The following LRCH2 variants were observed in gnomAD, a reference collection of about 807,000 sequenced individuals.
LRCH2 encodes the protein leucine-rich repeat and calponin homology domain-containing protein 2.
A neutral mutation model predicts 68.9 loss-of-function variants in LRCH2; 38 were observed. That is an observed-to-expected ratio of 0.55 (90% CI 0.43 to 0.72). The LOEUF is 0.72. Among genes scored for constraint, LRCH2 ranks in the 30% least tolerant of loss-of-function variants. The pLI is 0.00. For synonymous variants in LRCH2, 191 were observed against 208.1 expected, an observed-to-expected ratio of 0.92 and a Z score of 0.71; for missense variants, 528 against 572.9, an observed-to-expected ratio of 0.92 and a Z score of 0.80.
intron 1 of LRCH2, among the ~76,000 whole-genome samples, chrX:115,233,075 G>A (rs1333741501): frequency 1.8e-5 from 2 of 112,056 alleles, no homozygotes; most frequent in Non-Finnish European, 3.8e-5. Flanking sequence ...AGACATGTAA[G>A]TGATTGATGA....
In LRCH2 at chrX:115,179,643, T is replaced by C. The variant is rs782765226; in HGVS notation, c.727+3A>G. Reference sequence around the variant, plus strand: ...ATGTGAGTAAAAACAGTGAACATCTTACCATCTGGCAAAACATGAAGATTA... The same window carrying C: ...ATGTGAGTAAAAACAGTGAACATCTCACCATCTGGCAAAACATGAAGATTA... On this transcript the variant is annotated splice_donor_region_variant and intron_variant, in intron 4 of 20. Transcript: ENST00000317135. 1.8e-6 allele frequency: 2 copies of C among 1,122,102 alleles called. No homozygotes were observed. The highest frequency in any genetic ancestry group is 1.2e-6 in the Non-Finnish European group (1 of 847,977). The allele number at this position is 1,122,102 out of a possible 1,213,427, so 92.5% of individuals were successfully genotyped here. A position where few individuals can be genotyped will look rare whatever the true frequency, so the allele number is the denominator to read the frequency against.
chrX:115,170,217 G>T, intron 6 of LRCH2, 82 bp downstream of exon 6: 1 of 946,512 alleles, frequency 1.1e-6, no homozygotes, highest in Non-Finnish European at 1.4e-6. Flanking sequence ...AAATATATTC[G>T]GAACACTCAA....
At chrX:115,178,030 A>G (rs782477439) in intron 5 of LRCH2, among the ~76,000 whole-genome samples, 1 of 112,540 alleles carries the variant, frequency 8.9e-6, no homozygotes, top group Non-Finnish European at 1.9e-5. Context: ...GACAATGCAG[A>G]TACAGAACAT....
At chrX:115,162,094 T>A (rs5946287) in intron 11 of LRCH2, among the ~76,000 whole-genome samples, 9,308 of 109,468 alleles carry the variant, frequency 0.085, 320 homozygotes, top group South Asian at 0.18. Flanking sequence ...TAATTTTTTG[T>A]ATTTTTGGTA....
intron 5 of LRCH2, among the ~76,000 whole-genome samples, chrX:115,172,956 T>G (rs1556548052): frequency 1.8e-5 from 2 of 110,422 alleles, no homozygotes; most frequent in Non-Finnish European, 3.8e-5. Flanking sequence ...CTTGCATGTT[T>G]GAAACCTTTT....
At chrX:115,158,220 C>T (rs1556540301) in intron 11 of LRCH2, among the ~76,000 whole-genome samples, 1 of 111,762 alleles carries the variant, frequency 8.9e-6, no homozygotes, top group East Asian at 2.8e-4. Context: ...TGCTCTGGTC[C>T]TCTGGAAGAG....
At position 115,111,695 on chromosome X, in the gene LRCH2, T is replaced by C. The variant is rs11541651; in HGVS notation, c.*1521A>G. 3,471 of 111,864 alleles carry C rather than the reference T, an allele frequency of 0.031. 58 individuals carry two copies. Among genetic ancestry groups the C allele is most frequent in the Non-Finnish European group, 0.049 (2,569 of 52,933 alleles). The allele number at this position is 111,864 out of a possible 1,213,427, so 9.2% of individuals were successfully genotyped here. A position where few individuals can be genotyped will look rare whatever the true frequency, so the allele number is the denominator to read the frequency against. On this transcript the variant is annotated 3_prime_UTR_variant, in exon 21 of 21. Transcript: ENST00000317135. ...CCAATTTGACCCTTGGGGAATGTAA[T>C]GAACACATCTGTATTCTAAAGCCAA...
chrX:115,197,334 T>G (rs1283529807), intron 1 of LRCH2, among the ~76,000 whole-genome samples: 4 of 111,307 alleles, frequency 3.6e-5, no homozygotes, highest in Admixed American at 9.5e-5. Flanking sequence ...AGATAAAGAA[T>G]TCAAAACATT....
At chrX:115,165,152 C>CAAT (rs782417878) in intron 10 of LRCH2, among the ~76,000 whole-genome samples, 1 of 109,800 alleles carries the variant, frequency 9.1e-6, no homozygotes, top group African/African-American at 3.3e-5. Flanking sequence ...TAGTCCTCCT[C>CAAT]AATAATAATA....
In LRCH2 at chrX:115,150,077, A is replaced by T. The variant is rs181404967; in HGVS notation, c.1530-7T>A. On this transcript the variant is annotated splice_region_variant and splice_polypyrimidine_tract_variant and intron_variant, in intron 12 of 20. Transcript: ENST00000317135. ...AACTTCATCTGCTGAGACACTAAAA[A>T]ATTGAAGATGCCTTAATACGTTAAA... 6 of 1,130,489 alleles carry T rather than the reference A, an allele frequency of 5.3e-6. No homozygotes were observed. Among genetic ancestry groups the T allele is most frequent in the East Asian group, 3.2e-5 (1 of 30,987 alleles). 93.2% of individuals were successfully genotyped at this position (1,130,489 alleles called of 1,213,427 possible).
At chrX:115,228,618 A>G (rs1192391674) in intron 1 of LRCH2, among the ~76,000 whole-genome samples, 1 of 112,026 alleles carries the variant, frequency 8.9e-6, no homozygotes, top group Admixed American at 9.5e-5. Context: ...TTATGTTCTC[A>G]GTGAGGTTCT....
At chrX:115,171,873 G>T (rs782262420) in intron 5 of LRCH2, among the ~76,000 whole-genome samples, 4 of 108,486 alleles carry the variant, frequency 3.7e-5, no homozygotes, top group Non-Finnish European at 5.7e-5. Context: ...CAGAGACAGG[G>T]TCCCACCATG....
intron 1 of LRCH2, among the ~76,000 whole-genome samples, chrX:115,217,464 T>G (rs1556571957): frequency 1.8e-5 from 2 of 111,078 alleles, no homozygotes; most frequent in Non-Finnish European, 3.8e-5. Flanking sequence ...CACTTATGAG[T>G]GGGAACGTGC....
At chrX:115,190,282 CA>C in intron 1 of LRCH2, 2 of 1,152,305 alleles carry the variant, frequency 1.7e-6, no homozygotes, top group East Asian at 3.3e-5. Flanking sequence ...CGACGGCAAC[CA>C]AAATGGCTAC....
chrX:115,120,963 T>C (rs1361212057), intron 20 of LRCH2, among the ~76,000 whole-genome samples: 7 of 101,705 alleles, frequency 6.9e-5, no homozygotes, highest in Admixed American at 4.4e-4. Flanking sequence ...TAGGTGGGAA[T>C]TGAACAATGA....
chrX:115,228,464 T>C (rs1290805297), intron 1 of LRCH2, among the ~76,000 whole-genome samples: 1 of 111,452 alleles, frequency 9.0e-6, no homozygotes, highest in Non-Finnish European at 1.9e-5. Context: ...AGTGGGCTGC[T>C]AGGCTGGGCT....
intron 1 of LRCH2, among the ~76,000 whole-genome samples, chrX:115,202,400 A>G (rs933664531): frequency 2.7e-5 from 3 of 111,809 alleles, no homozygotes; most frequent in Non-Finnish European, 5.6e-5. Flanking sequence ...GGGGTATATA[A>G]TAAGAAATTA....
chrX:115,211,503 T>C (rs1326172361), intron 1 of LRCH2, among the ~76,000 whole-genome samples: 1 of 111,791 alleles, frequency 8.9e-6, no homozygotes, highest in Non-Finnish European at 1.9e-5. Flanking sequence ...ATCAGCAGCG[T>C]GAAAACAGAC....
chrX:115,195,751 A>G (rs964234836), intron 1 of LRCH2, among the ~76,000 whole-genome samples: 6 of 111,320 alleles, frequency 5.4e-5, no homozygotes, highest in African/African-American at 1.6e-4. Context: ...GTGAGTGAGT[A>G]TCTTTCTGCA....
Sources: gnomAD v4.1 joint callset for allele counts (sites outside exome capture counted in the v4.1 genomes callset) on GRCh38, gnomAD v4.1.1 for gene constraint, MANE v1.5 for transcripts, NCBI Gene and HGNC (gene_info 2026-07-23, HGNC 2026-07-21) for gene names.